The following ST18 variants were observed in gnomAD, a reference collection of about 807,000 sequenced individuals.
ST18 encodes suppression of tumorigenicity 18 protein.
Under a neutral mutation model 110.0 loss-of-function variants are expected in ST18, and 50 were observed. That is an observed-to-expected ratio of 0.45 (90% CI 0.36 to 0.58). The LOEUF (loss-of-function observed/expected upper bound fraction) is 0.58. Among genes scored for constraint, ST18 ranks in the 20% least tolerant of loss-of-function variants. ST18 has a pLI of 0.00. For missense variants in ST18, 1,306 were observed against 1,280.1 expected, an observed-to-expected ratio of 1.02 and a Z score of -0.31; for synonymous variants, 461 against 452.4, an observed-to-expected ratio of 1.02 and a Z score of -0.24.
chr8:52,145,014 T>C (rs551414707), intron 16 of ST18, among the ~76,000 whole-genome samples: 109 of 152,128 alleles, frequency 7.2e-4, no homozygotes, highest in African/African-American at 2.4e-3. Flanking sequence ...TCTGATATTG[T>C]CTCAATGTGG....
chr8:52,317,937 A>T (rs2096060030), intron 2 of ST18, among the ~76,000 whole-genome samples: 1 of 152,182 alleles, frequency 6.6e-6, no homozygotes, highest in East Asian at 1.9e-4. Context: ...ATAGAAGAAA[A>T]CCTAGGCAAT....
chr8:52,286,305 A>G (rs1226526611), intron 2 of ST18, among the ~76,000 whole-genome samples: 2 of 152,192 alleles, frequency 1.3e-5, no homozygotes, highest in Non-Finnish European at 2.9e-5. Flanking sequence ...AGCTGGCAAT[A>G]TATCTTTTTT....
chr8:52,196,694 T>C (rs570026395), intron 8 of ST18, among the ~76,000 whole-genome samples: 93 of 152,328 alleles, frequency 6.1e-4, no homozygotes, highest in African/African-American at 2.1e-3. Context: ...ACGTTATAAA[T>C]TAAACTTTAT....
At chr8:52,244,923 C>CA (rs1369887178) in intron 2 of ST18, among the ~76,000 whole-genome samples, 1 of 152,030 alleles carries the variant, frequency 6.6e-6, no homozygotes, top group Non-Finnish European at 1.5e-5. Context: ...GTCTTTCACA[C>CA]AAAAAAAGAT....
At chr8:52,217,103 T>C (rs2084584864) in intron 6 of ST18, among the ~76,000 whole-genome samples, 2 of 152,220 alleles carry the variant, frequency 1.3e-5, no homozygotes, top group South Asian at 4.1e-4. Flanking sequence ...CCCCGAATAC[T>C]ATTGATAAGC....
At chr8:52,271,695 T>C (rs1210673904) in intron 2 of ST18, among the ~76,000 whole-genome samples, 1 of 152,234 alleles carries the variant, frequency 6.6e-6, no homozygotes, top group African/African-American at 2.4e-5. Context: ...TATTCTCCTT[T>C]AAGTCATCAT....
At chr8:52,153,982 T>G (rs2059416020) in intron 15 of ST18, among the ~76,000 whole-genome samples, 1 of 152,224 alleles carries the variant, frequency 6.6e-6, no homozygotes, top group African/African-American at 2.4e-5. Flanking sequence ...TTGACTGAGT[T>G]TGTTTTTCCA....
intron 2 of ST18, among the ~76,000 whole-genome samples, chr8:52,403,075 T>C (rs1843295324): frequency 6.6e-6 from 1 of 152,092 alleles, no homozygotes; most frequent in Non-Finnish European, 1.5e-5. Context: ...CCACTGGGCC[T>C]TGGGTCCAAG....
chr8:52,246,084 T>C (rs1221556415), intron 2 of ST18, among the ~76,000 whole-genome samples: 1 of 152,128 alleles, frequency 6.6e-6, no homozygotes, highest in Non-Finnish European at 1.5e-5. Flanking sequence ...TTGACAACAC[T>C]ATATTCAAAT....
chr8:52,313,901 A>G (rs2095972573), intron 2 of ST18, among the ~76,000 whole-genome samples: 1 of 152,128 alleles, frequency 6.6e-6, no homozygotes, highest in Non-Finnish European at 1.5e-5. Context: ...CTCCCCAAAC[A>G]TGGAAGGAAA....
chr8:52,140,852 A>G (rs2054730768), intron 17 of ST18, among the ~76,000 whole-genome samples: 1 of 152,162 alleles, frequency 6.6e-6, no homozygotes, highest in African/African-American at 2.4e-5. Context: ...TCTACCTTCA[A>G]AGGATAAAAT....
chr8:52,252,656 C>T (rs2094369791), intron 2 of ST18, among the ~76,000 whole-genome samples: 1 of 151,944 alleles, frequency 6.6e-6, no homozygotes, highest in South Asian at 2.1e-4. Flanking sequence ...TAAAATGATG[C>T]TCCTACCATA....
chr8:52,325,657 AC>A (rs1805984011), intron 2 of ST18, among the ~76,000 whole-genome samples: 1 of 152,232 alleles, frequency 6.6e-6, no homozygotes, highest in Non-Finnish European at 1.5e-5. Context: ...ACTTAGAGTG[AC>A]TTTTCTGATC....
chr8:52,325,027 A>G (rs1321092099), intron 2 of ST18, among the ~76,000 whole-genome samples: 3 of 152,244 alleles, frequency 2.0e-5, no homozygotes, highest in Admixed American at 6.5e-5. Flanking sequence ...TTTTTCAGCA[A>G]TGAAGGACCA....
At chr8:52,252,359 G>T (rs575851428) in intron 2 of ST18, among the ~76,000 whole-genome samples, 1 of 152,078 alleles carries the variant, frequency 6.6e-6, no homozygotes, top group South Asian at 2.1e-4. Flanking sequence ...GAGTATGTAT[G>T]TTAACTTTTT....
intron 2 of ST18, among the ~76,000 whole-genome samples, chr8:52,366,843 A>G (rs1828160965): frequency 6.6e-6 from 1 of 152,200 alleles, no homozygotes; most frequent in Non-Finnish European, 1.5e-5. Flanking sequence ...TGTGTCATTC[A>G]TTATACTATG....
At chr8:52,260,593 A>G (rs1464752197) in intron 2 of ST18, among the ~76,000 whole-genome samples, 1 of 152,150 alleles carries the variant, frequency 6.6e-6, no homozygotes, top group African/African-American at 2.4e-5. Flanking sequence ...CTCCCTCTGG[A>G]TCACATTACT....
chr8:52,258,395 T>G (rs1159058390), intron 2 of ST18, among the ~76,000 whole-genome samples: 1 of 152,234 alleles, frequency 6.6e-6, no homozygotes, highest in Non-Finnish European at 1.5e-5. Context: ...AGATTACAAC[T>G]TCTAATCCAT....
At chr8:52,380,063 C>A (rs1000690699) in intron 2 of ST18, among the ~76,000 whole-genome samples, 3 of 152,140 alleles carry the variant, frequency 2.0e-5, no homozygotes, top group African/African-American at 7.2e-5. Context: ...CCTTGAGTAA[C>A]ACCATGGGAC....
Sources: gnomAD v4.1 joint callset for allele counts (sites outside exome capture counted in the v4.1 genomes callset) on GRCh38, gnomAD v4.1.1 for gene constraint, MANE v1.5 for transcripts, NCBI Gene and HGNC (gene_info 2026-07-23, HGNC 2026-07-21) for gene names.